The following GCNA variants were observed in gnomAD, a reference collection of about 807,000 sequenced individuals.
GCNA encodes the protein germ cell nuclear acidic peptidase, also known as germ cell nuclear acidic protein.
GCNA carries 3 observed loss-of-function variants against 38.8 expected under a neutral mutation model. The ratio of observed to expected loss-of-function variants is 0.08; its 90% CI spans 0.04 to 0.20. The LOEUF is 0.20. Ranked by LOEUF, GCNA falls within the 10% of genes least tolerant of loss-of-function variation. The pLI is 1.00. For missense variants in GCNA, 446 were observed against 578.6 expected (o/e 0.77, Z 2.35); for synonymous variants, 195 against 240.2 (o/e 0.81, Z 1.74).
At chrX:71,580,778 T>G (rs1602165165) in intron 1 of GCNA, 42 bp from the exon 2 acceptor site, 1 of 1,166,037 alleles carries the variant, frequency 8.6e-7, no homozygotes, top group Non-Finnish European at 1.2e-6. Flanking sequence ...CCGGCCGAGT[T>G]CTGGCTTTCT....
chrX:71,595,054 A>G (rs1445785348), intron 6 of GCNA, among the ~76,000 whole-genome samples: 1 of 111,047 alleles, frequency 9.0e-6, no homozygotes, highest in African/African-American at 3.3e-5. Context: ...TACTAGTCTA[A>G]GCCCTTTTTG....
At chrX:71,581,571 C>T (rs150605523) in intron 2 of GCNA, among the ~76,000 whole-genome samples, 26 of 112,070 alleles carry the variant, frequency 2.3e-4, no homozygotes, top group African/African-American at 6.5e-5. Flanking sequence ...ACAAGAAAAA[C>T]GACATTTCAG....
intron 9 of GCNA, among the ~76,000 whole-genome samples, chrX:71,606,038 A>G (rs1330096010): frequency 8.9e-6 from 1 of 112,818 alleles, no homozygotes; most frequent in Admixed American, 9.3e-5. Context: ...GAGATTGCCT[A>G]TGTCCTTCAA....
rs2040790987 is a variant in GCNA at position 71,609,120 on chromosome X, A to G, written c.1611+3A>G. ...ACAGATCCGTCTGTGATAAAAAGGT[A>G]GGATCAATGAATGAGCACTGATTGA... is the stretch of plus-strand genomic sequence containing the variant. On this transcript the variant is annotated splice_donor_region_variant and intron_variant, in intron 10 of 12. Coordinates refer to ENST00000373696, the MANE Select transcript of GCNA (RefSeq NM_052957.5). 9.1e-6 allele frequency: 11 copies of G among 1,204,245 alleles called. No homozygotes were observed. The highest frequency in any genetic ancestry group is 1.2e-5 in the Non-Finnish European group (11 of 890,749).
chrX:71,612,658 G>T, intron 12 of GCNA, 99 bp downstream of exon 12: 1 of 910,944 alleles, frequency 1.1e-6, no homozygotes, highest in Non-Finnish European at 1.5e-6. Flanking sequence ...AACTGAAGAG[G>T]AGAACCTCTC....
intron 2 of GCNA, among the ~76,000 whole-genome samples, chrX:71,585,331 A>C (rs1333988863): frequency 5.4e-5 from 6 of 110,207 alleles, no homozygotes; most frequent in African/African-American, 2.0e-4. Flanking sequence ...AGAAAAAAAA[A>C]AACAAAGCAA....
At chrX:71,597,754 A>G (rs759936435) in intron 6 of GCNA, among the ~76,000 whole-genome samples, 196 bp from the exon 7 acceptor site, 49 of 112,449 alleles carry the variant, frequency 4.4e-4, no homozygotes, top group African/African-American at 1.5e-3. Context: ...AAGATGTAGG[A>G]AGATGGAAAA....
chrX:71,610,189 T>C (rs934048117), intron 10 of GCNA, among the ~76,000 whole-genome samples: 1 of 112,199 alleles, frequency 8.9e-6, no homozygotes, highest in Non-Finnish European at 1.9e-5. Flanking sequence ...TCAGAATGTT[T>C]TGATTTGTGT....
At position 71,604,367 on chromosome X, in the gene GCNA, C is replaced by T; in HGVS notation, c.1090C>T (p.His364Tyr). The part of the protein sequence containing the change: ...LVEAAAAVSQ[H>Y]DSSDDAGEQD... ...TGAGGCTGCTGCTGCTGTCTCCCAG[C>T]ATGATTCATCTGATGATGCTGGTGA... The change falls in exon 8 of 13, where the codon CAT (histidine) becomes TAT (tyrosine). Residue 364 changes from histidine (H) to tyrosine (Y), a missense_variant. By Grantham distance (83) the His-to-Tyr change is moderately conservative. This residue lies in a region of GCNA where 160 missense variants were observed against 165.2 expected (regional missense o/e 0.97). Transcript: ENST00000373696. 1 of 1,211,847 alleles carries T rather than the reference C, an allele frequency of 8.3e-7. No homozygotes were observed. Among genetic ancestry groups the T allele is most frequent in the Non-Finnish European group, 1.1e-6 (1 of 895,529 alleles).
chrX:71,598,697 C>T (rs1420842311), intron 7 of GCNA, among the ~76,000 whole-genome samples: 3 of 110,616 alleles, frequency 2.7e-5, no homozygotes, highest in Admixed American at 9.7e-5. Flanking sequence ...GGATGAAACA[C>T]AGGAAGACTA....
At position 71,612,887 on chromosome X, in the gene GCNA, G is replaced by C. The variant is rs146014858; in HGVS notation, c.1981G>C (p.Asp661His). The change falls in exon 13 of 13, where the codon GAC becomes CAC. Residue 661 changes from aspartate (D) to histidine (H), a missense_variant. Physicochemically the swap from Asp to His is moderately conservative, Grantham distance 81. This residue lies in a region of GCNA where 34 missense variants were observed against 33.2 expected (regional missense o/e 1.02). Coordinates refer to ENST00000373696, the MANE Select transcript of GCNA (RefSeq NM_052957.5). ...GATTGGCTGCTACACCAAATCGTTG[G>C]ACACCAGCCGCTTCATCTGTGCCAA... is the stretch of plus-strand genomic sequence containing the variant. ...TRIGCYTKSL[D>H]TSRFICAKCK... 11 of 1,209,533 alleles carry C rather than the reference G, an allele frequency of 9.1e-6. No homozygotes were observed. In the African/African-American group the frequency reaches 1.9e-4, roughly 21 times the overall value.
chrX:71,595,166 G>A (rs1411703025), intron 6 of GCNA, among the ~76,000 whole-genome samples: 4 of 111,659 alleles, frequency 3.6e-5, no homozygotes, highest in East Asian at 2.8e-4. Flanking sequence ...GTGCAATCTC[G>A]GCTCACTGCA....
chrX:71,599,893 C>T (rs946813543), intron 7 of GCNA, among the ~76,000 whole-genome samples: 2 of 112,240 alleles, frequency 1.8e-5, no homozygotes, highest in African/African-American at 6.5e-5. Context: ...TTTCTCTTCC[C>T]TTACTGCATA....
rs1334992443 is a variant in GCNA, at chrX:71,605,699, G to A, written c.1436G>A (p.Gly479Asp). 2.5e-6 allele frequency: 3 copies of A among 1,210,304 alleles called. No homozygotes were observed. The highest frequency in any genetic ancestry group is 3.0e-5 in the East Asian group (1 of 33,784). The change falls in exon 9 of 13, where the codon GGT (glycine) becomes GAT (aspartate). Residue 479 changes from glycine (G) to aspartate (D), a missense_variant. Gly to Asp is a moderately conservative substitution (Grantham distance 94). Coordinates refer to ENST00000373696, the MANE Select transcript of GCNA (RefSeq NM_052957.5). ...KKRGPSKKKP[G>D]AAKVEKRKTR... ...CGTGGGCCTTCAAAGAAGAAACCCGGTGCAGCAAAAGTTGAAAAACGCAAG... is the reference window on the plus strand; with the variant it reads ...CGTGGGCCTTCAAAGAAGAAACCCGATGCAGCAAAAGTTGAAAAACGCAAG...
chrX:71,589,682 T>C (rs183311322), intron 2 of GCNA, among the ~76,000 whole-genome samples: 2 of 108,787 alleles, frequency 1.8e-5, no homozygotes, highest in African/African-American at 6.7e-5. Flanking sequence ...GCCCAGCTGG[T>C]CTCAGACTCC....
intron 2 of GCNA, among the ~76,000 whole-genome samples, chrX:71,585,640 A>G (rs151130842): frequency 1.8e-5 from 2 of 110,709 alleles, no homozygotes; most frequent in Non-Finnish European, 3.8e-5. Flanking sequence ...TGGAACTGCT[A>G]CTTCCCTTGA....
At chrX:71,607,647 G>C (rs1201435979) in intron 9 of GCNA, among the ~76,000 whole-genome samples, 1 of 112,569 alleles carries the variant, frequency 8.9e-6, no homozygotes, top group Non-Finnish European at 1.9e-5. Flanking sequence ...AAGACCATGA[G>C]ATTTGGATCA....
At chrX:71,584,009 AT>A (rs1179482926) in intron 2 of GCNA, among the ~76,000 whole-genome samples, 4 of 82,616 alleles carry the variant, frequency 4.8e-5, no homozygotes, top group Admixed American at 2.5e-4. Context: ...CGCCCGGCTA[AT>A]TTTTTTTTTG....
Position 71,605,742 on chromosome X carries a change from C to A in GCNA, c.1466+13C>A. 8.4e-7 allele frequency: 1 copy of A among 1,193,778 alleles called. No homozygotes were observed. On this transcript the variant is annotated intron_variant, in intron 9 of 12. Coordinates refer to ENST00000373696, the MANE Select transcript of GCNA (RefSeq NM_052957.5). The stretch of plus-strand genomic sequence containing the variant: ...AACGCAAGACTAGGTATGTACTGCT[C>A]GCATACAGTTGAACAGGAATTTATT...
Sources: gnomAD v4.1 joint callset for allele counts (sites outside exome capture counted in the v4.1 genomes callset) on GRCh38, gnomAD v4.1.1 for gene constraint, gnomAD v4.1.1 regional missense constraint, MANE v1.5 for transcripts, NCBI Gene and HGNC (gene_info 2026-07-23, HGNC 2026-07-21) for gene names.